Variants in DMXL2 observed in about 807,000 individuals in gnomAD.
The protein encoded by DMXL2 is dmX-like protein 2.
In DMXL2, 103 loss-of-function variants were observed where a neutral mutation model predicts 331.1. The ratio of observed to expected loss-of-function variants is 0.31; its 90% CI spans 0.27 to 0.37. The LOEUF (loss-of-function observed/expected upper bound fraction) is 0.37, where lower values mean the gene tolerates loss of function less well. DMXL2 is among the 10% of genes least tolerant of loss of function. DMXL2 has a pLI of 1.00. For synonymous variants in DMXL2, 1,281 were observed against 1,252.1 expected (o/e 1.02, Z -0.49); for missense variants, 3,171 against 3,642.9 (o/e 0.87, Z 3.33).
At chr15:51,613,791 A>C (rs1254113729) in intron 1 of DMXL2, among the ~76,000 whole-genome samples, 3 of 152,168 alleles carry the variant, frequency 2.0e-5, no homozygotes, top group Non-Finnish European at 2.9e-5. Context: ...TGAATTTTCC[A>C]TTTGTCCACA....
intron 27 of DMXL2, 104 bp from the exon 28 acceptor site, chr15:51,474,696 C>A (rs2041417609): frequency 8.2e-7 from 1 of 1,216,798 alleles, no homozygotes; most frequent in South Asian, 1.7e-5. Context: ...TTATATTTTA[C>A]AAAATATTTC....
chr15:51,576,517 A>G (rs911282242), intron 1 of DMXL2, among the ~76,000 whole-genome samples: 9 of 152,156 alleles, frequency 5.9e-5, no homozygotes, highest in African/African-American at 2.2e-4. Flanking sequence ...CTAAAGTATA[A>G]AAGCTCCATC....
intron 19 of DMXL2, among the ~76,000 whole-genome samples, chr15:51,493,293 A>G (rs1167112638): frequency 6.6e-6 from 1 of 152,226 alleles, no homozygotes; most frequent in Non-Finnish European, 1.5e-5. Context: ...TATATAATAT[A>G]AAATGACAAT....
At chr15:51,485,892 C>T (rs1360877302) in intron 23 of DMXL2, among the ~76,000 whole-genome samples, 181 bp downstream of exon 23, 4 of 152,038 alleles carry the variant, frequency 2.6e-5, no homozygotes, top group Admixed American at 1.3e-4. Context: ...TAAATATATA[C>T]GTAATTAGAA....
At chr15:51,568,616 C>T in intron 2 of DMXL2, 58 bp from the exon 3 acceptor site, 2 of 1,102,530 alleles carry the variant, frequency 1.8e-6, no homozygotes, top group Non-Finnish European at 2.6e-6. Context: ...AAGATATCTT[C>T]CTTTTCATAA....
intron 13 of DMXL2, among the ~76,000 whole-genome samples, chr15:51,528,058 G>T (rs1174339405): frequency 6.6e-6 from 1 of 151,368 alleles, no homozygotes. Flanking sequence ...AAGCTTCATG[G>T]TAACCTCAAA....
intron 1 of DMXL2, among the ~76,000 whole-genome samples, chr15:51,591,293 C>A (rs972529045): frequency 6.6e-6 from 1 of 152,228 alleles, no homozygotes; most frequent in Admixed American, 6.5e-5. Flanking sequence ...ATATCCCGCG[C>A]CTGGCTCGGA....
At chr15:51,521,883 G>A (rs1286774690) in intron 13 of DMXL2, among the ~76,000 whole-genome samples, 1 of 152,158 alleles carries the variant, frequency 6.6e-6, no homozygotes, top group African/African-American at 2.4e-5. Context: ...AAAAATTAAA[G>A]ATTGAGTAAA....
chr15:51,530,575 C>G (rs1944979015), intron 13 of DMXL2, among the ~76,000 whole-genome samples: 1 of 150,116 alleles, frequency 6.7e-6, no homozygotes, highest in African/African-American at 2.5e-5. Flanking sequence ...CACAATGAAA[C>G]CCCATCTCTA....
intron 1 of DMXL2, among the ~76,000 whole-genome samples, chr15:51,622,177 G>T (rs2054685361): frequency 6.6e-6 from 1 of 152,204 alleles, no homozygotes; most frequent in Non-Finnish European, 1.5e-5. Flanking sequence ...GCCGCCCTAG[G>T]AGGAGCCTTC....
intron 1 of DMXL2, among the ~76,000 whole-genome samples, chr15:51,586,692 T>C (rs527505331): frequency 8.5e-5 from 13 of 152,154 alleles, no homozygotes; most frequent in Non-Finnish European, 1.8e-4. Flanking sequence ...TAAGTCTATT[T>C]ATATACCTCT....
At chr15:51,540,798 A>G (rs1458727745) in intron 9 of DMXL2, among the ~76,000 whole-genome samples, 8 of 152,186 alleles carry the variant, frequency 5.3e-5, no homozygotes, top group Non-Finnish European at 1.2e-4. Flanking sequence ...ATATGTAGGT[A>G]AGTTAGGATG....
chr15:51,612,116 TG>T (rs2054012661), intron 1 of DMXL2, among the ~76,000 whole-genome samples: 2 of 152,202 alleles, frequency 1.3e-5, no homozygotes, highest in African/African-American at 4.8e-5. Context: ...ACGAACCCAC[TG>T]GCAGGAACCA....
At chr15:51,530,641 G>C (rs914827307) in intron 13 of DMXL2, among the ~76,000 whole-genome samples, 7 of 151,558 alleles carry the variant, frequency 4.6e-5, no homozygotes, top group Admixed American at 2.6e-4. Flanking sequence ...TGTAGTCCCA[G>C]CTACTCTGGA....
At chr15:51,582,468 G>C (rs978571071) in intron 1 of DMXL2, among the ~76,000 whole-genome samples, 3 of 152,270 alleles carry the variant, frequency 2.0e-5, no homozygotes, top group East Asian at 3.9e-4. Flanking sequence ...TCTGGGCTTT[G>C]ATGGTTACTT....
chr15:51,450,516 T>C (rs1436325626), intron 42 of DMXL2, 170 bp from the exon 43 acceptor site: 6 of 656,160 alleles, frequency 9.1e-6, no homozygotes, highest in East Asian at 2.8e-5. Flanking sequence ...TAAAGAAAAA[T>C]GTTAAGCAAT....
chr15:51,525,393 A>C (rs181297960), intron 13 of DMXL2, among the ~76,000 whole-genome samples: 3 of 152,206 alleles, frequency 2.0e-5, no homozygotes, highest in Non-Finnish European at 4.4e-5. Flanking sequence ...CAGCACATAT[A>C]TTAAAATTGG....
At chr15:51,594,884 C>G (rs1370677766) in intron 1 of DMXL2, among the ~76,000 whole-genome samples, 1 of 152,176 alleles carries the variant, frequency 6.6e-6, no homozygotes, top group East Asian at 1.9e-4. Flanking sequence ...TAAAAACTCT[C>G]AATAAATTAG....
At chr15:51,600,639 G>A (rs1401993100) in intron 1 of DMXL2, among the ~76,000 whole-genome samples, 1 of 152,096 alleles carries the variant, frequency 6.6e-6, no homozygotes, top group South Asian at 2.1e-4. Flanking sequence ...CTCCTCTGTA[G>A]CTCACCTGAC....
Sources: gnomAD v4.1 joint callset for allele counts (sites outside exome capture counted in the v4.1 genomes callset) on GRCh38, gnomAD v4.1.1 for gene constraint, MANE v1.5 for transcripts, NCBI Gene and HGNC (gene_info 2026-07-23, HGNC 2026-07-21) for gene names.